Variants in UBR4 observed in about 807,000 individuals in gnomAD.
The protein encoded by UBR4 is E3 ubiquitin-protein ligase UBR4.
UBR4 carries 124 observed loss-of-function variants against 575.6 expected under a neutral mutation model. The observed-to-expected ratio is 0.22, with a 90% CI of 0.19 to 0.25. The LOEUF (loss-of-function observed/expected upper bound fraction) is 0.25. Ranked by LOEUF, UBR4 falls within the 10% of genes least tolerant of loss-of-function variation. The probability of loss-of-function intolerance (pLI) is 1.00; values close to 1 mark genes in which losing one functional copy is unlikely to be tolerated. For synonymous variants in UBR4, 2,455 were observed against 2,473.7 expected, an observed-to-expected ratio of 0.99 and a Z score of 0.22; for missense variants, 4,818 against 6,478.8, an observed-to-expected ratio of 0.74 and a Z score of 8.80.
rs2092160788 is a variant in UBR4, at chr1:19,192,469, T to TA, written c.1203+11dup. ...ATAGGAAGTATGCAGCAGAGACAGA[T>TA]ACGCTTCTTACCTCACCACCAGCCC... On this transcript the variant is annotated intron_variant, in intron 10 of 105. Transcript: ENST00000375254. 4 of 1,614,172 alleles carry TA rather than the reference T, an allele frequency of 2.5e-6. No homozygotes were observed. Among genetic ancestry groups the TA allele is most frequent in the Non-Finnish European group, 3.4e-6 (4 of 1,180,018 alleles).
intron 101 of UBR4, 51 bp downstream of exon 101, chr1:19,086,094 C>T (rs1238991964): frequency 1.9e-6 from 3 of 1,602,598 alleles, no homozygotes; most frequent in Non-Finnish European, 2.6e-6. Flanking sequence ...GGTCTTGTCC[C>T]ATCCCCTGCA....
At chr1:19,186,461 A>G in intron 14 of UBR4, 79 bp downstream of exon 14, 1 of 1,298,316 alleles carries the variant, frequency 7.7e-7, no homozygotes. Context: ...TTTGGTCAGG[A>G]AACTACAGGA....
chr1:19,173,435 T>A lies in UBR4; in HGVS notation c.3165+4A>T, dbSNP rs2089862089. 1 of 1,614,160 alleles carries A rather than the reference T, an allele frequency of 6.2e-7. No homozygotes were observed. The highest frequency in any genetic ancestry group is 2.2e-5 in the East Asian group (1 of 44,858). On this transcript the variant is annotated splice_donor_region_variant and intron_variant, in intron 23 of 105. Transcript: ENST00000375254. ...AATAGTCTTAGCAGCAAGCTCTGTG[T>A]TACCTTTATCCAGTTGACATAGGAG...
At position 19,138,159 on chromosome 1, in the gene UBR4, A is replaced by C; in HGVS notation, c.8754T>G (p.Tyr2918Ter). The change falls in exon 60 of 106, where the codon TAT (tyrosine) becomes TAG (stop). Residue 2918 changes from tyrosine to a stop codon, truncating the protein, a stop_gained. Transcript: ENST00000375254. LOFTEE classifies it high-confidence loss of function. ...EHSVSGRSSA[Y>*]GDATAEGHPA... ...GATGCCCCTCAGCTGTAGCATCGCC[A>C]TAAGCACTGCTCCGGCCAGATACTA... The C allele has an allele frequency of 6.4e-7, 1 of 1,567,178 alleles. No individual in the cohort carries two copies. Among genetic ancestry groups the C allele is most frequent in the South Asian group, 1.2e-5 (1 of 83,946 alleles).
intron 11 of UBR4, among the ~76,000 whole-genome samples, chr1:19,190,312 A>AAAAAAAAAAAAAAATATATATATATAT: frequency 2.5e-5 from 2 of 79,922 alleles, no homozygotes; most frequent in African/African-American, 1.1e-4. Flanking sequence ...AAAAAAAAAA[A>AAAAAAAAAAAAAAATATATATATATAT]ATATATATAT....
At chr1:19,081,964 T>C in intron 102 of UBR4, 1 of 592,244 alleles carries the variant, frequency 1.7e-6, no homozygotes, top group Non-Finnish European at 3.0e-6. Context: ...AGCAAGCTAG[T>C]GAGTGATGGG....
intron 85 of UBR4, 40 bp from the exon 86 acceptor site, chr1:19,104,706 C>T: frequency 1.3e-6 from 2 of 1,586,910 alleles, no homozygotes; most frequent in Non-Finnish European, 1.7e-6. Flanking sequence ...GATATCACTG[C>T]CAAGGATACC....
rs1179860684 is a variant in UBR4, at chr1:19,117,393, T to C, written c.10651A>G (p.Lys3551Glu). 6.2e-7 allele frequency: 1 copy of C among 1,614,216 alleles called. No homozygotes were observed. Residue 3551 changes from lysine (K) to glutamate (E), a missense_variant, in exon 73 of 106, where the codon AAA (lysine) becomes GAA (glutamate). Coordinates refer to ENST00000375254, the MANE Select transcript of UBR4 (RefSeq NM_020765.3). This position sits in a 1 kb window ranked among gnomAD's most constrained non-coding sequence, Gnocchi z 4.0. ...PFCYIKLSSI[K>E]VDTRYTTTQQ... ...GTGGTGGTGTACCGCGTGTCCACTT[T>C]AATGGAAGACAGCTTGATATACTAA...
At chr1:19,146,749 T>C in intron 52 of UBR4, 77 bp downstream of exon 52, 1 of 1,520,708 alleles carries the variant, frequency 6.6e-7, no homozygotes, top group Non-Finnish European at 8.9e-7. Context: ...CAGAGGCCAG[T>C]AAGAACAGTA....
intron 12 of UBR4, 47 bp downstream of exon 12, chr1:19,187,394 G>A (rs2091650443): frequency 1.9e-6 from 3 of 1,611,804 alleles, no homozygotes; most frequent in Middle Eastern, 1.6e-4. Flanking sequence ...GGCCAGAAGT[G>A]GATCCCGCAA....
chr1:19,075,458 T>C (rs1440089450), intron 105 of UBR4: 1 of 164,092 alleles, frequency 6.1e-6, no homozygotes, highest in Non-Finnish European at 1.3e-5. Flanking sequence ...CAGGGCTGAC[T>C]TTCTGGGAAG....
intron 17 of UBR4, among the ~76,000 whole-genome samples, chr1:19,180,302 C>T (rs959578819): frequency 6.6e-6 from 1 of 152,048 alleles, no homozygotes; most frequent in African/African-American, 2.4e-5. Context: ...AATTCTTGTG[C>T]CTCAGCCTCC....
chr1:19,081,179 C>G (rs771576309), intron 103 of UBR4, 170 bp downstream of exon 103: 20 of 605,248 alleles, frequency 3.3e-5, no homozygotes, highest in Non-Finnish European at 5.1e-5. Flanking sequence ...GGCAACCTGC[C>G]AGCCATCAGC....
chr1:19,105,734 T>C lies in UBR4; in HGVS notation c.12502A>G (p.Ser4168Gly). The C allele has an allele frequency of 6.3e-7, 1 of 1,586,856 alleles. No homozygotes were observed. Among genetic ancestry groups the C allele is most frequent in the Non-Finnish European group, 8.5e-7 (1 of 1,170,364 alleles). ...CCTCATCCCACTCCCAAATGGTACC[T>C]GGTAAGCAGGTCCAGGACCTGCTGC... The part of the protein sequence containing the change: ...RKQQVLDLLT[S>G]YLDELSIAGE... The change falls in exon 84 of 106, where the codon AGT (serine) becomes GGT (glycine). Residue 4168 changes from serine (S) to glycine (G), a missense_variant and splice_region_variant. By Grantham distance (56) the Ser-to-Gly change is moderately conservative (BLOSUM62 0). Coordinates refer to ENST00000375254, the MANE Select transcript of UBR4 (RefSeq NM_020765.3).
chr1:19,110,398 C>T lies in UBR4; in HGVS notation c.11959G>A (p.Glu3987Lys). 6.2e-7 allele frequency: 1 copy of T among 1,614,194 alleles called. No individual in the cohort carries two copies. The highest frequency in any genetic ancestry group is 8.5e-7 in the Non-Finnish European group (1 of 1,180,028). Residue 3987 changes from glutamate to lysine, a missense_variant, in exon 80 of 106, where the codon GAG becomes AAG. Physicochemically the swap from Glu to Lys is moderately conservative, Grantham distance 56 (BLOSUM62 1). Around this residue, in one of 29 missense-constraint regions of UBR4, gnomAD observed 333 missense variants for 459.2 expected, o/e 0.73. Coordinates refer to ENST00000375254, the MANE Select transcript of UBR4 (RefSeq NM_020765.3). The surrounding 1 kb of genome is among the most constrained non-coding windows in gnomAD (Gnocchi z 4.5). Reference protein sequence around the residue: ...DSISKEDSCWELRLRCALSLF... With the variant: ...DSISKEDSCWKLRLRCALSLF... ...AACTCACCACAGCGTAACCGGAGCT[C>T]CCAGCAGCTGTCCTCCTTGGAGATA...
chr1:19,098,809 C>T (rs1386455512), intron 90 of UBR4, among the ~76,000 whole-genome samples: 3 of 152,178 alleles, frequency 2.0e-5, no homozygotes, highest in African/African-American at 7.2e-5. Context: ...TATTTGGGAC[C>T]AAGTCTAGAA....
Position 19,151,583 on chromosome 1 carries a change from T to C in UBR4, c.7213+60A>G, listed in dbSNP as rs755858627. ...AGAATGTTGGACAGCCACAGGCCAG[T>C]GGCTCCCAATTTCGCAGTCACAATG... On this transcript the variant is annotated intron_variant, in intron 48 of 105. Coordinates refer to ENST00000375254, the MANE Select transcript of UBR4 (RefSeq NM_020765.3). 4 of 1,576,478 alleles carry C rather than the reference T, an allele frequency of 2.5e-6. No individual in the cohort carries two copies. In the Admixed American group the frequency reaches 6.7e-5, roughly 26 times the overall value.
At chr1:19,192,841 G>A (rs559427335) in intron 9 of UBR4, among the ~76,000 whole-genome samples, 193 of 151,976 alleles carry the variant, frequency 1.3e-3, no homozygotes, top group African/African-American at 3.6e-3. Context: ...GGAGTACGAT[G>A]GCGTGATCCC....
At chr1:19,095,866 C>G (rs2077988299) in intron 92 of UBR4, 2 of 501,144 alleles carry the variant, frequency 4.0e-6, no homozygotes, top group Non-Finnish European at 7.3e-6. Flanking sequence ...GGATATATCT[C>G]TACCATCTCT....
Sources: gnomAD v4.1 joint callset for allele counts (sites outside exome capture counted in the v4.1 genomes callset) on GRCh38, gnomAD v4.1.1 for gene constraint, gnomAD v4.1.1 regional missense constraint, Gnocchi (gnomAD v3.1) non-coding constraint, MANE v1.5 for transcripts, NCBI Gene and HGNC (gene_info 2026-07-23, HGNC 2026-07-21) for gene names.